Variants in CDKL1 observed in about 807,000 individuals in gnomAD.
CDKL1 encodes the protein cyclin-dependent kinase-like 1.
Under a neutral mutation model 42.0 loss-of-function variants are expected in CDKL1, and 41 were observed. The ratio of observed to expected loss-of-function variants is 0.98; its 90% confidence interval spans 0.76 to 1.27. The LOEUF is 1.27. Ranked by LOEUF, CDKL1 falls within the 50% of genes most tolerant of loss-of-function variation. CDKL1 has a pLI of 0.00. For missense variants in CDKL1, 394 were observed against 428.4 expected, an observed-to-expected ratio of 0.92 and a Z score of 0.71; for synonymous variants, 153 against 158.6, an observed-to-expected ratio of 0.96 and a Z score of 0.26.
intron 2 of CDKL1, among the ~76,000 whole-genome samples, chr14:50,387,438 G>A (rs552728092): frequency 1.0e-3 from 154 of 151,894 alleles, no homozygotes; most frequent in African/African-American, 3.5e-3. Context: ...CAGGAGAATC[G>A]CTTGAGCCTG....
At chr14:50,347,739 A>G (rs1302664101) in intron 3 of CDKL1, among the ~76,000 whole-genome samples, 1 of 152,304 alleles carries the variant, frequency 6.6e-6, no homozygotes, top group African/African-American at 2.4e-5. Context: ...GAAGCATAGC[A>G]TATGGGTGGT....
chr14:50,387,200 C>T (rs1172057790), intron 2 of CDKL1, among the ~76,000 whole-genome samples: 1 of 88,520 alleles, frequency 1.1e-5, no homozygotes, highest in African/African-American at 5.1e-5. Flanking sequence ...GACTGAGACC[C>T]TGTCTTAAAA....
intron 2 of CDKL1, among the ~76,000 whole-genome samples, chr14:50,372,317 C>T (rs1443603765): frequency 1.3e-5 from 2 of 152,154 alleles, no homozygotes; most frequent in Non-Finnish European, 2.9e-5. Context: ...AGAGTTTTGC[C>T]ATGTTGGCCA....
intron 4 of CDKL1, chr14:50,343,177 G>GTTTTT (rs1566580369): frequency 2.5e-6 from 1 of 400,758 alleles, no homozygotes; most frequent in Non-Finnish European, 4.0e-6. Context: ...TTTTTTTTGA[G>GTTTTT]TTGGGTCAAA....
chr14:50,362,857 A>C (rs945471532), intron 2 of CDKL1: 2 of 378,394 alleles, frequency 5.3e-6, no homozygotes, highest in Non-Finnish European at 1.2e-5. Flanking sequence ...AGAGAATAAA[A>C]GCAGGCTGCC....
chr14:50,349,451 T>A (rs568633855), intron 3 of CDKL1, among the ~76,000 whole-genome samples: 3 of 152,120 alleles, frequency 2.0e-5, no homozygotes, highest in Non-Finnish European at 4.4e-5. Flanking sequence ...TTATGTGGGC[T>A]GGAGACCCAA....
rs1451319256 is a variant in CDKL1 at position 50,334,586 on chromosome 14, A to G, written c.774T>C (p.Tyr258=). Residue 258 remains tyrosine, a synonymous_variant, in exon 8 of 10, where the codon TAT becomes TAC. Transcript: ENST00000395834. Reference sequence around the variant, plus strand: ...TTACCTTTAGGAGCCCCAGGGCAGGATAAGAGATGTTTGGGAATTTTAATT... The same window carrying G: ...TTACCTTTAGGAGCCCCAGGGCAGGGTAAGAGATGTTTGGGAATTTTAATT... ...PLELKFPNIS[Y]PALGLLKGCL... The G allele has an allele frequency of 1.2e-6, 2 of 1,605,398 alleles. No homozygotes were observed. The highest frequency in any genetic ancestry group is 1.7e-6 in the Non-Finnish European group (2 of 1,172,232).
chr14:50,378,718 G>A (rs1227537084), intron 2 of CDKL1, among the ~76,000 whole-genome samples: 1 of 151,994 alleles, frequency 6.6e-6, no homozygotes, highest in Admixed American at 6.6e-5. Context: ...AATTTTTTTT[G>A]TGGAGACAGG....
At chr14:50,341,780 C>A (rs1229500232) in intron 5 of CDKL1, among the ~76,000 whole-genome samples, 95 of 129,234 alleles carry the variant, frequency 7.4e-4, no homozygotes, top group Admixed American at 6.3e-4. Flanking sequence ...GACCCTGTCT[C>A]AAAAAAAAAA....
intron 3 of CDKL1, among the ~76,000 whole-genome samples, chr14:50,355,471 T>C (rs1337741529): frequency 6.6e-6 from 1 of 152,236 alleles, no homozygotes; most frequent in East Asian, 1.9e-4. Context: ...AAATTTTAAA[T>C]CAAAGTAACC....
chr14:50,345,911 G>A (rs1403527361), intron 3 of CDKL1, among the ~76,000 whole-genome samples: 1 of 152,138 alleles, frequency 6.6e-6, no homozygotes, highest in African/African-American at 2.4e-5. Context: ...ATTAGAAAGA[G>A]GCATCTCGCC....
chr14:50,389,945 G>T (rs1268402118), intron 2 of CDKL1, among the ~76,000 whole-genome samples: 1 of 152,142 alleles, frequency 6.6e-6, no homozygotes, highest in East Asian at 1.9e-4. Context: ...TGACCGGGAG[G>T]CCTTGGCAAA....
intron 2 of CDKL1, chr14:50,362,185 C>T: frequency 3.6e-6 from 1 of 279,644 alleles, no homozygotes; most frequent in Non-Finnish European, 7.0e-6. Context: ...CCCACCCCCA[C>T]CGTGGGCTCC....
At position 50,326,570 on chromosome 14, in the gene CDKL1, C is replaced by A; in HGVS notation, c.*3504G>T. 1 of 985,424 alleles carries A rather than the reference C, an allele frequency of 1.0e-6. No individual in the cohort carries two copies. Among genetic ancestry groups the A allele is most frequent in the Non-Finnish European group, 1.2e-6 (1 of 829,934 alleles). 61.0% of individuals were successfully genotyped at this position (985,424 alleles called of 1,614,324 possible). A position where few individuals can be genotyped will look rare whatever the true frequency, so the allele number is the denominator to read the frequency against. On this transcript the variant is annotated 3_prime_UTR_variant, in exon 10 of 10. Coordinates refer to ENST00000395834, the MANE Select transcript of CDKL1 (RefSeq NM_004196.7). ...GCATTCTTGTGTTCTTGATAGCATACAGACTTACTCAGAATCAACAGTTGC... is the reference window on the plus strand; with the variant it reads ...GCATTCTTGTGTTCTTGATAGCATAAAGACTTACTCAGAATCAACAGTTGC...
intron 7 of CDKL1, chr14:50,336,147 C>T: frequency 7.3e-7 from 1 of 1,365,116 alleles, no homozygotes; most frequent in Non-Finnish European, 9.8e-7. Context: ...TACGCTGGAG[C>T]CCATCTGTGA....
chr14:50,334,287 G>A, intron 8 of CDKL1: 1 of 255,018 alleles, frequency 3.9e-6, no homozygotes, highest in Non-Finnish European at 7.4e-6. Context: ...CTCCTGAGTA[G>A]TCGGGATTAC....
chr14:50,370,722 G>T (rs958628290), intron 2 of CDKL1, among the ~76,000 whole-genome samples: 1 of 152,352 alleles, frequency 6.6e-6, no homozygotes. Flanking sequence ...AAAGGTGAAG[G>T]AGGGGCAGGC....
At chr14:50,335,542 G>C (rs758231114) in intron 7 of CDKL1, 13 of 1,536,054 alleles carry the variant, frequency 8.5e-6, no homozygotes, top group Non-Finnish European at 1.1e-5. Context: ...TCACGTGCTG[G>C]AGACAATCAG....
chr14:50,329,929 C>A lies in CDKL1; in HGVS notation c.*145G>T. On this transcript the variant is annotated 3_prime_UTR_variant, in exon 10 of 10. Transcript: ENST00000395834. ...CTGGATCTGGAATTTCCCTTCATAT[C>A]TTGCCAGTTGGCCTCCCAGTTTCTT... 1 of 950,938 alleles carries A rather than the reference C, an allele frequency of 1.1e-6. No homozygotes were observed. The highest frequency in any genetic ancestry group is 1.5e-6 in the Non-Finnish European group (1 of 668,848). The allele number at this position is 950,938 out of a possible 1,614,324, so 58.9% of individuals were successfully genotyped here. A position where few individuals can be genotyped will look rare whatever the true frequency, so the allele number is the denominator to read the frequency against.
Sources: allele counts gnomAD v4.1 joint callset (sites outside exome capture counted in the v4.1 genomes callset), GRCh38; gene constraint gnomAD v4.1.1; transcripts MANE v1.5; gene names NCBI Gene and HGNC (gene_info 2026-07-23, HGNC 2026-07-21).